PCDHA10: variants seen among roughly 807,000 people sequenced by gnomAD.
The protein encoded by PCDHA10 is protocadherin alpha-10.
PCDHA10 carries 45 observed loss-of-function variants against 61.2 expected under a neutral mutation model. The observed-to-expected ratio is 0.74, with a 90% CI of 0.58 to 0.94. The LOEUF is 0.94. PCDHA10 is among the 40% of genes least tolerant of loss of function. PCDHA10 has a pLI of 0.00. For missense variants in PCDHA10, 1,278 were observed against 1,236.2 expected (o/e 1.03, Z -0.51); for synonymous variants, 602 against 548.8 (o/e 1.10, Z -1.35).
At chr5:140,865,269 T>C (rs2048801874) in intron 1 of PCDHA10, 1 of 152,262 alleles carries the variant, frequency 6.6e-6, no homozygotes. Flanking sequence ...TATCAAATTA[T>C]ATGTAAAATT....
chr5:140,873,931 G>A (rs2054580396), intron 1 of PCDHA10, among the ~76,000 whole-genome samples: 1 of 152,172 alleles, frequency 6.6e-6, no homozygotes, highest in African/African-American at 2.4e-5. Flanking sequence ...AAAGTGCTGG[G>A]ATTACAGGTG....
intron 1 of PCDHA10, chr5:140,869,254 G>C (rs2050982255): frequency 6.2e-7 from 1 of 1,613,494 alleles, no homozygotes; most frequent in African/African-American, 1.3e-5. Flanking sequence ...CATCGCGCAG[G>C]ACCTGGGGCT....
intron 1 of PCDHA10, among the ~76,000 whole-genome samples, chr5:140,948,360 C>T (rs1258504765): frequency 6.6e-6 from 1 of 151,494 alleles, no homozygotes; most frequent in Non-Finnish European, 1.5e-5. Context: ...AATAAAATGA[C>T]TTAGGAGGTG....
intron 1 of PCDHA10, among the ~76,000 whole-genome samples, chr5:140,897,430 C>T (rs1297820601): frequency 6.7e-6 from 1 of 148,618 alleles, no homozygotes; most frequent in Non-Finnish European, 1.5e-5. Context: ...TGAGTGAGAA[C>T]ATGCAGTGTT....
At chr5:141,003,814 G>A (rs2098139841) in intron 3 of PCDHA10, among the ~76,000 whole-genome samples, 1 of 152,088 alleles carries the variant, frequency 6.6e-6, no homozygotes, top group Admixed American at 6.6e-5. Context: ...CTGTAGTCTG[G>A]GAAGGGCTCT....
chr5:140,877,606 G>A, intron 1 of PCDHA10: 1 of 1,613,888 alleles, frequency 6.2e-7, no homozygotes, highest in Non-Finnish European at 8.5e-7. Flanking sequence ...CAGCCTGCTG[G>A]TGCTCACGCT....
chr5:140,856,501 T>A lies in PCDHA10; in HGVS notation c.453T>A (p.Phe151Leu). The stretch of plus-strand genomic sequence containing the variant: ...AATCCAGACTGCTTGACTCTCGATT[T>A]CCACTAGAAGGCGCATCTGATGCGG... ...IPESRLLDSRFPLEGASDADV... is the reference protein window; with the variant it reads ...IPESRLLDSRLPLEGASDADV... Residue 151 changes from phenylalanine to leucine, a missense_variant, in exon 1 of 4, where the codon TTT becomes TTA. Transcript: ENST00000307360. 6.3e-7 allele frequency: 1 copy of A among 1,598,302 alleles called. No individual in the cohort carries two copies. Among genetic ancestry groups the A allele is most frequent in the Non-Finnish European group, 8.6e-7 (1 of 1,167,844 alleles).
chr5:141,004,311 C>T (rs2098161581), intron 3 of PCDHA10, among the ~76,000 whole-genome samples: 1 of 152,210 alleles, frequency 6.6e-6, no homozygotes, highest in South Asian at 2.1e-4. Context: ...TTTTATACAA[C>T]AACCAGAACA....
intron 1 of PCDHA10, chr5:140,875,267 C>A: frequency 1.7e-6 from 2 of 1,211,108 alleles, no homozygotes; most frequent in Non-Finnish European, 2.2e-6. Context: ...TGTCGCTCTA[C>A]ACTCAGAAGG....
intron 1 of PCDHA10, chr5:140,928,699 G>C (rs782291734): frequency 1.2e-6 from 2 of 1,614,170 alleles, no homozygotes; most frequent in East Asian, 2.2e-5. Flanking sequence ...CATCTCCCGG[G>C]CGTCTGACTC....
At chr5:140,883,634 G>C (rs782548505) in intron 1 of PCDHA10, 18 of 1,613,174 alleles carry the variant, frequency 1.1e-5, no homozygotes, top group African/African-American at 5.4e-5. Flanking sequence ...GCCGGCGTTC[G>C]CGCAGCCCGA....
At chr5:140,973,959 G>A (rs782474164) in intron 1 of PCDHA10, among the ~76,000 whole-genome samples, 2 of 152,198 alleles carry the variant, frequency 1.3e-5, no homozygotes, top group Admixed American at 6.5e-5. Flanking sequence ...TTTTACAGGT[G>A]TCTTTAAATG....
chr5:140,926,959 G>C (rs781794027), intron 1 of PCDHA10: 23 of 1,603,904 alleles, frequency 1.4e-5, no homozygotes, highest in Non-Finnish European at 1.9e-5. Context: ...GGGACAGCTC[G>C]AGTACTCAGT....
intron 1 of PCDHA10, chr5:140,883,089 A>G (rs1403331305): frequency 1.1e-5 from 17 of 1,614,038 alleles, no homozygotes; most frequent in Non-Finnish European, 1.4e-5. Context: ...GATGGTACAA[A>G]TGGAGATATA....
intron 3 of PCDHA10, among the ~76,000 whole-genome samples, chr5:141,005,814 A>T (rs947359019): frequency 6.7e-6 from 1 of 149,766 alleles, no homozygotes; most frequent in Non-Finnish European, 1.5e-5. Flanking sequence ...GGAGCCAGGT[A>T]TGGTGGCCTG....
At position 141,011,492 on chromosome 5, in the gene PCDHA10, A is replaced by T. The variant is rs2098420803; in HGVS notation, c.*1555A>T. On this transcript the variant is annotated 3_prime_UTR_variant, in exon 4 of 4. Coordinates refer to ENST00000307360, the MANE Select transcript of PCDHA10 (RefSeq NM_018901.4). ...AATTCCATTATATTTCCTTTTGTAC[A>T]CCTGTGAAAAAGTGGAGTAGTGTTT... The T allele has an allele frequency of 1.3e-5, 2 of 153,698 alleles. No individual in the cohort carries two copies. The highest frequency in any genetic ancestry group is 2.9e-5 in the Non-Finnish European group (2 of 68,026). 9.5% of individuals were successfully genotyped at this position (153,698 alleles called of 1,614,324 possible).
intron 1 of PCDHA10, among the ~76,000 whole-genome samples, chr5:140,871,869 T>C (rs1230282991): frequency 6.6e-6 from 1 of 152,230 alleles, no homozygotes; most frequent in Non-Finnish European, 1.5e-5. Context: ...TATGGATTAT[T>C]TAAATTTGCT....
intron 1 of PCDHA10, chr5:140,861,620 A>G: frequency 2.9e-6 from 1 of 340,898 alleles, no homozygotes; most frequent in South Asian, 2.8e-5. Context: ...ACAACCTGCC[A>G]GTGTTCTCAG....
intron 1 of PCDHA10, among the ~76,000 whole-genome samples, chr5:140,889,697 A>G (rs920897018): frequency 4.6e-5 from 7 of 152,294 alleles, no homozygotes; most frequent in Middle Eastern, 3.4e-3. Flanking sequence ...TATTATGGGC[A>G]TATTCCACAA....
Sources: gnomAD v4.1 joint callset for allele counts (sites outside exome capture counted in the v4.1 genomes callset) on GRCh38, gnomAD v4.1.1 for gene constraint, MANE v1.5 for transcripts, NCBI Gene and HGNC (gene_info 2026-07-23, HGNC 2026-07-21) for gene names.